The following ROBO2 variants were observed in gnomAD, a reference collection of about 807,000 sequenced individuals.
ROBO2 encodes roundabout homolog 2.
In ROBO2, 53 loss-of-function variants were observed where a neutral mutation model predicts 160.8. That is an observed-to-expected ratio of 0.33 (90% CI 0.26 to 0.41). The LOEUF (loss-of-function observed/expected upper bound fraction) is 0.41, where lower values mean the gene tolerates loss of function less well. Ranked by LOEUF, ROBO2 falls within the 10% of genes least tolerant of loss-of-function variation. The pLI is 1.00. For synonymous variants in ROBO2, 664 were observed against 611.7 expected (o/e 1.09, Z -1.26); for missense variants, 1,577 against 1,722.4 (o/e 0.92, Z 1.49).
At chr3:76,945,959 T>C (rs1364501990) in intron 2 of ROBO2, among the ~76,000 whole-genome samples, 1 of 152,230 alleles carries the variant, frequency 6.6e-6, no homozygotes, top group African/African-American at 2.4e-5. Flanking sequence ...GCTGTCTTTT[T>C]CTGCTTTTGT....
chr3:76,813,020 G>A (rs895104634), intron 2 of ROBO2, among the ~76,000 whole-genome samples: 2 of 130,386 alleles, frequency 1.5e-5, no homozygotes, highest in Admixed American at 9.0e-5. Flanking sequence ...ACATCTTATT[G>A]TTTGTACTGG....
At chr3:76,550,642 G>T (rs145213061) in intron 2 of ROBO2, among the ~76,000 whole-genome samples, 2 of 152,348 alleles carry the variant, frequency 1.3e-5, no homozygotes, top group Non-Finnish European at 2.9e-5. Context: ...TGCACTCTCA[G>T]GGGCCTGGGA....
At chr3:76,950,959 G>C (rs1408592697) in intron 2 of ROBO2, among the ~76,000 whole-genome samples, 3 of 152,070 alleles carry the variant, frequency 2.0e-5, no homozygotes, top group African/African-American at 7.2e-5. Flanking sequence ...AACTCCCAGG[G>C]TCAAGCAATT....
At chr3:77,114,477 G>T (rs926335680) in intron 2 of ROBO2, among the ~76,000 whole-genome samples, 42 of 152,154 alleles carry the variant, frequency 2.8e-4, no homozygotes, top group African/African-American at 9.9e-4. Flanking sequence ...GCAAGTAATT[G>T]ATAATATTGC....
chr3:77,271,984 A>G (rs888389615), intron 2 of ROBO2, among the ~76,000 whole-genome samples: 1 of 152,210 alleles, frequency 6.6e-6, no homozygotes, highest in African/African-American at 2.4e-5. Flanking sequence ...AGAGTGTACA[A>G]AGAAGCACTT....
chr3:77,425,243 T>A (rs2078077326), intron 2 of ROBO2, among the ~76,000 whole-genome samples: 1 of 151,806 alleles, frequency 6.6e-6, no homozygotes, highest in Non-Finnish European at 1.5e-5. Context: ...TATGGAGCTT[T>A]GAACTAGTAA....
chr3:75,954,224 C>T (rs961374349), intron 2 of ROBO2, among the ~76,000 whole-genome samples: 1 of 151,772 alleles, frequency 6.6e-6, no homozygotes, highest in African/African-American at 2.4e-5. Flanking sequence ...CCATTTAATG[C>T]ATGTATATTT....
intron 2 of ROBO2, among the ~76,000 whole-genome samples, chr3:75,968,014 A>G (rs1465197295): frequency 6.6e-6 from 1 of 151,588 alleles, no homozygotes; most frequent in East Asian, 2.0e-4. Flanking sequence ...TTGAAAAATA[A>G]CTTCACATGC....
intron 2 of ROBO2, among the ~76,000 whole-genome samples, chr3:76,354,850 T>C (rs1443289821): frequency 6.6e-6 from 1 of 151,870 alleles, no homozygotes; most frequent in Non-Finnish European, 1.5e-5. Flanking sequence ...ATGGACTTTT[T>C]ATGAGATTTT....
chr3:77,291,435 T>A (rs1235896455), intron 2 of ROBO2, among the ~76,000 whole-genome samples: 1 of 150,606 alleles, frequency 6.6e-6, no homozygotes, highest in African/African-American at 2.5e-5. Flanking sequence ...TGAGGCTAGA[T>A]CACCCCAGAC....
At position 76,090,259 on chromosome 3, in the gene ROBO2, G is replaced by T. The variant is rs549312000; in HGVS notation, c.109+152657G>T. Among the ~76,000 whole-genome samples, 10 of 152,032 alleles carry T rather than the reference G, an allele frequency of 6.6e-5. No homozygotes were observed. The South Asian group carries it at 2.1e-3, about 32-fold the overall frequency. On this transcript the variant is annotated intron_variant, in intron 2 of 26. Transcript: ENST00000487694. ...GCAGATCACCTGAGGTCAGGGGTTC[G>T]AGACCAGCCTGGCTGACATGGTGAA...
chr3:76,731,511 G>A (rs1396400930), intron 2 of ROBO2, among the ~76,000 whole-genome samples: 2 of 151,840 alleles, frequency 1.3e-5, no homozygotes, highest in Non-Finnish European at 2.9e-5. Flanking sequence ...TTTCTCAATG[G>A]TAACTTAAAG....
chr3:77,117,834 T>C (rs1025949150), intron 2 of ROBO2, among the ~76,000 whole-genome samples: 1 of 152,190 alleles, frequency 6.6e-6, no homozygotes, highest in Non-Finnish European at 1.5e-5. Flanking sequence ...ATTTAATATT[T>C]ATGTGTGCTG....
intron 2 of ROBO2, among the ~76,000 whole-genome samples, chr3:76,848,199 A>C (rs1272935338): frequency 1.3e-5 from 2 of 152,174 alleles, no homozygotes; most frequent in Non-Finnish European, 2.9e-5. Context: ...TATATTGCAT[A>C]GGTGAAGTAC....
At chr3:76,978,323 A>C (rs1312548938) in intron 2 of ROBO2, among the ~76,000 whole-genome samples, 2 of 152,158 alleles carry the variant, frequency 1.3e-5, no homozygotes, top group Non-Finnish European at 2.9e-5. Flanking sequence ...TAGCCTCACA[A>C]TGCAAATATT....
At chr3:76,265,850 TTA>T (rs1185551311) in intron 2 of ROBO2, among the ~76,000 whole-genome samples, 1 of 152,164 alleles carries the variant, frequency 6.6e-6, no homozygotes, top group Non-Finnish European at 1.5e-5. Context: ...GTTCTTTAAC[TTA>T]TATGATTTTC....
At chr3:77,257,101 A>G (rs1484545358) in intron 2 of ROBO2, among the ~76,000 whole-genome samples, 5 of 152,188 alleles carry the variant, frequency 3.3e-5, no homozygotes, top group Admixed American at 2.0e-4. Context: ...TCTGTTGTCA[A>G]TAATTAAGAG....
At chr3:77,149,481 A>C (rs572193286) in intron 2 of ROBO2, among the ~76,000 whole-genome samples, 2 of 152,194 alleles carry the variant, frequency 1.3e-5, no homozygotes, top group East Asian at 3.8e-4. Context: ...TAGAAAAGTC[A>C]ACTTGCAACC....
At chr3:76,221,015 A>G (rs565356836) in intron 2 of ROBO2, among the ~76,000 whole-genome samples, 3 of 151,028 alleles carry the variant, frequency 2.0e-5, no homozygotes, top group East Asian at 2.0e-4. Flanking sequence ...ATCATAGAAC[A>G]TGGTAATACT....
Sources: gnomAD v4.1 joint callset for allele counts (sites outside exome capture counted in the v4.1 genomes callset) on GRCh38, gnomAD v4.1.1 for gene constraint, MANE v1.5 for transcripts, NCBI Gene and HGNC (gene_info 2026-07-23, HGNC 2026-07-21) for gene names.